The following AFP variants were observed in gnomAD, a reference collection of about 807,000 sequenced individuals.
AFP encodes alpha fetoprotein.
In AFP, 64 loss-of-function variants were observed where a neutral mutation model predicts 78.9. The ratio of observed to expected loss-of-function variants is 0.81; its 90% CI spans 0.66 to 1.00. The LOEUF (loss-of-function observed/expected upper bound fraction) is 1.00. AFP is among the 50% of genes least tolerant of loss of function. The probability of loss-of-function intolerance (pLI) is 0.00; values close to 1 mark genes in which losing one functional copy is unlikely to be tolerated. For missense variants in AFP, 689 were observed against 703.8 expected (o/e 0.98, Z 0.24); for synonymous variants, 254 against 243.8 (o/e 1.04, Z -0.39).
chr4:73,449,251 T>C (rs943696006), intron 8 of AFP, 84 bp from the exon 9 acceptor site: 1 of 1,245,920 alleles, frequency 8.0e-7, no homozygotes, highest in African/African-American at 1.5e-5. Flanking sequence ...ACATGCCATA[T>C]TATATAGGAA....
At chr4:73,450,011 A>G (rs551657585) in intron 9 of AFP, 25 bp from the exon 10 acceptor site, 5 of 1,530,834 alleles carry the variant, frequency 3.3e-6, no homozygotes, top group South Asian at 1.1e-5. Context: ...AGAAAAATGT[A>G]TATGTAATAA....
chr4:73,446,488 A>C (rs1719830434), intron 7 of AFP, among the ~76,000 whole-genome samples: 1 of 152,150 alleles, frequency 6.6e-6, no homozygotes, highest in Admixed American at 6.5e-5. Context: ...TGACAGGTAT[A>C]TATGTAAGCT....
At chr4:73,441,039 A>G (rs1461135786) in intron 4 of AFP, among the ~76,000 whole-genome samples, 1 of 152,036 alleles carries the variant, frequency 6.6e-6, no homozygotes, top group Non-Finnish European at 1.5e-5. Flanking sequence ...CAAACCTACC[A>G]GAGGTTCCAT....
intron 2 of AFP, 80 bp downstream of exon 2, chr4:73,437,291 G>C (rs1455285654): frequency 1.7e-6 from 2 of 1,186,152 alleles, no homozygotes; most frequent in East Asian, 2.4e-5. Flanking sequence ...GGGTACCCCT[G>C]TGAGCTCTTA....
At chr4:73,446,402 A>T (rs538671427) in intron 7 of AFP, among the ~76,000 whole-genome samples, 6 of 152,280 alleles carry the variant, frequency 3.9e-5, no homozygotes, top group African/African-American at 1.4e-4. Flanking sequence ...TCAGCATGAT[A>T]TGTAAGTTGG....
chr4:73,452,930 T>C (rs1259143137), intron 12 of AFP, among the ~76,000 whole-genome samples: 1 of 152,200 alleles, frequency 6.6e-6, no homozygotes, highest in East Asian at 1.9e-4. Flanking sequence ...AATTAGAGTG[T>C]ATCTTTGCAG....
chr4:73,450,143 T>C lies in AFP; in HGVS notation c.1289+10T>C, dbSNP rs1719946009. 6.3e-7 allele frequency: 1 copy of C among 1,588,900 alleles called. No individual in the cohort carries two copies. The highest frequency in any genetic ancestry group is 8.6e-7 in the Non-Finnish European group (1 of 1,158,464). ...ATTACTTACAAAATGCGTATGTTTT[T>C]GTAAACAGTATTTTTAGTGAATTAA... On this transcript the variant is annotated intron_variant, in intron 10 of 14. Coordinates refer to ENST00000395792, the MANE Select transcript of AFP (RefSeq NM_001134.3).
At position 73,450,088 on chromosome 4, in the gene AFP, G is replaced by A. The variant is rs1232082254; in HGVS notation, c.1244G>A (p.Ser415Asn). The change falls in exon 10 of 15, where the codon AGC becomes AAC. Residue 415 changes from serine to asparagine, a missense_variant. Physicochemically the swap from Ser to Asn is conservative, Grantham distance 46. Transcript: ENST00000395792. The part of the protein sequence containing the change: ...IQESQALAKR[S>N]CGLFQKLGEY... ...GAGAGCCAAGCATTGGCAAAGCGAAGCTGCGGCCTCTTCCAGAAACTAGGA... is the reference window on the plus strand; with the variant it reads ...GAGAGCCAAGCATTGGCAAAGCGAAACTGCGGCCTCTTCCAGAAACTAGGA... 6.2e-7 allele frequency: 1 copy of A among 1,613,834 alleles called. No homozygotes were observed. The highest frequency in any genetic ancestry group is 8.5e-7 in the Non-Finnish European group (1 of 1,179,804).
intron 13 of AFP, 142 bp from the exon 14 acceptor site, chr4:73,455,094 T>C: frequency 1.5e-6 from 1 of 674,794 alleles, no homozygotes; most frequent in Non-Finnish European, 2.6e-6. Flanking sequence ...TCCCAGGTTG[T>C]TGGCATCAGA....
At position 73,440,954 on chromosome 4, in the gene AFP, A is replaced by G. The variant is rs6857080; in HGVS notation, c.482+141A>G. The G allele has an allele frequency of 1, 804,281 of 807,780 alleles. 400,476 individuals are homozygous for G. The highest frequency in any genetic ancestry group is 1 in the East Asian group (37,182 of 37,182). The allele number at this position is 807,780 out of a possible 1,614,324, so 50.0% of individuals were successfully genotyped here. A position where few individuals can be genotyped will look rare whatever the true frequency, so the allele number is the denominator to read the frequency against. ...GGTGTTGTGTCTGCTGAGGTCCCAG[A>G]CAAGGTAATTAGGAGAGCAACATTC... On this transcript the variant is annotated intron_variant, in intron 4 of 14. Coordinates refer to ENST00000395792, the MANE Select transcript of AFP (RefSeq NM_001134.3).
At chr4:73,442,802 GT>G (rs1719708821) in intron 5 of AFP, among the ~76,000 whole-genome samples, 1 of 152,006 alleles carries the variant, frequency 6.6e-6, no homozygotes, top group African/African-American at 2.4e-5. Context: ...TATACTTACT[GT>G]TTTTTTAAAC....
chr4:73,449,444 C>T lies in AFP; in HGVS notation c.1168C>T (p.Pro390Ser), dbSNP rs753811251. 6.2e-7 allele frequency: 1 copy of T among 1,613,510 alleles called. No homozygotes were observed. ...GGAGAAGTGTTTCCAGACTGAAAAC[C>T]CTCTTGAATGCCAAGATAAAGGAGT... ...LLEKCFQTEN[P>S]LECQDKGEEE... Residue 390 changes from proline (P) to serine (S), a missense_variant, in exon 9 of 15, where the codon CCT becomes TCT. By Grantham distance (74) the Pro-to-Ser change is moderately conservative. Coordinates refer to ENST00000395792, the MANE Select transcript of AFP (RefSeq NM_001134.3).
At chr4:73,446,734 T>C (rs1458846082) in intron 7 of AFP, among the ~76,000 whole-genome samples, 9 of 151,920 alleles carry the variant, frequency 5.9e-5, no homozygotes, top group Admixed American at 5.9e-4. Context: ...GTTGCAAGTG[T>C]TGTTTAGGGG....
chr4:73,452,418 A>G lies in AFP; in HGVS notation c.1446A>G (p.Gly482=), dbSNP rs144799463. ...CGEGAADIII[G]HLCIRHEMTP... ...CTAACCAGGCTGACATTATTATCGG[A>G]CACTTATGTATCAGACATGAAATGA... Residue 482 remains glycine (G), a synonymous_variant, in exon 12 of 15, where the codon GGA becomes GGG. Coordinates refer to ENST00000395792, the MANE Select transcript of AFP (RefSeq NM_001134.3). 7.2e-4 allele frequency: 1,168 copies of G among 1,613,966 alleles called. 3 individuals are homozygous for G. Among genetic ancestry groups the G allele is most frequent in the Non-Finnish European group, 8.7e-4 (1,031 of 1,179,896 alleles).
chr4:73,446,817 T>C (rs1719842481), intron 7 of AFP, among the ~76,000 whole-genome samples: 2 of 152,204 alleles, frequency 1.3e-5, no homozygotes, highest in South Asian at 4.1e-4. Context: ...TCCCTCTTAT[T>C]TGTAAAGGTT....
In AFP at chr4:73,452,591, C is replaced by T. The variant is rs773475733; in HGVS notation, c.1619C>T (p.Ala540Val). The T allele has an allele frequency of 6.2e-7, 1 of 1,613,892 alleles. No individual in the cohort carries two copies. The highest frequency in any genetic ancestry group is 1.7e-5 in the Admixed American group (1 of 59,988). Residue 540 changes from alanine (A) to valine (V), a missense_variant, in exon 12 of 15, where the codon GCT (alanine) becomes GTT (valine). Coordinates refer to ENST00000395792, the MANE Select transcript of AFP (RefSeq NM_001134.3). The part of the protein sequence containing the change: ...KFIFHKDLCQ[A>V]QGVALQTMKQ... ...ATTTTCCATAAGGATCTGTGCCAAG[C>T]TCAGGGTGTAGCGCTGCAAACAATG...
At chr4:73,454,846 G>A (rs1720111491) in intron 13 of AFP, among the ~76,000 whole-genome samples, 1 of 152,070 alleles carries the variant, frequency 6.6e-6, no homozygotes, top group Non-Finnish European at 1.5e-5. Context: ...TTGATGTGAA[G>A]CATTTCTGAA....
At position 73,437,262 on chromosome 4, in the gene AFP, T is replaced by C; in HGVS notation, c.137+51T>C. ...TTTAAATGTGTAAAGCAAGGATAAG[T>C]AAATACTTAAATAAAATTGGGTACC... On this transcript the variant is annotated intron_variant, in intron 2 of 14. Transcript: ENST00000395792. 2.1e-6 allele frequency: 3 copies of C among 1,445,660 alleles called. 1 individual carries two copies. Among genetic ancestry groups the C allele is most frequent in the South Asian group, 2.3e-5 (2 of 86,798 alleles). 89.6% of individuals were successfully genotyped at this position (1,445,660 alleles called of 1,614,324 possible). A position where few individuals can be genotyped will look rare whatever the true frequency, so the allele number is the denominator to read the frequency against.
chr4:73,455,825 T>C lies in AFP; in HGVS notation c.*205T>C. Reference sequence around the variant, plus strand: ...TATGAAAAGTTATCGATAATTTCTTTAGTTTTGTATACCATTGTCTGAAGC... The same window carrying C: ...TATGAAAAGTTATCGATAATTTCTTCAGTTTTGTATACCATTGTCTGAAGC... On this transcript the variant is annotated 3_prime_UTR_variant, in exon 15 of 15. Transcript: ENST00000395792. 1.7e-6 allele frequency: 1 copy of C among 596,888 alleles called. No homozygotes were observed. The highest frequency in any genetic ancestry group is 2.9e-5 in the East Asian group (1 of 34,940). The allele number at this position is 596,888 out of a possible 1,614,324, so 37.0% of individuals were successfully genotyped here.
Sources: allele counts gnomAD v4.1 joint callset (sites outside exome capture counted in the v4.1 genomes callset), GRCh38; gene constraint gnomAD v4.1.1; transcripts MANE v1.5; gene names NCBI Gene and HGNC (gene_info 2026-07-23, HGNC 2026-07-21).